NEDD4L: variants seen among roughly 807,000 people sequenced by gnomAD.
NEDD4L encodes the protein NEDD4 like E3 ubiquitin protein ligase.
Under a neutral mutation model 148.9 loss-of-function variants are expected in NEDD4L, and 54 were observed. The ratio of observed to expected loss-of-function variants is 0.36; its 90% CI spans 0.29 to 0.45. The LOEUF (loss-of-function observed/expected upper bound fraction) is 0.45. NEDD4L is among the 20% of genes least tolerant of loss of function. The pLI is 1.00. For missense variants in NEDD4L, 856 were observed against 1,233.8 expected (o/e 0.69, Z 4.59); for synonymous variants, 433 against 440.7 (o/e 0.98, Z 0.22).
At position 58,329,124 on chromosome 18, in the gene NEDD4L, C is replaced by T. The variant is rs370529329; in HGVS notation, c.810C>T (p.Pro270=). ...EPEPSEGGDV[P]EPWETISEEV... ...AGCCCTCGGAGGGCGGGGATGTCCCCGAGGTACGATGTCCCCAGAATGGTG... is the reference window on the plus strand; with the variant it reads ...AGCCCTCGGAGGGCGGGGATGTCCCTGAGGTACGATGTCCCCAGAATGGTG... Residue 270 remains proline (P), a synonymous_variant, in exon 10 of 31, where the codon CCC becomes CCT. Coordinates refer to ENST00000400345, the MANE Select transcript of NEDD4L (RefSeq NM_001144967.3). 2.5e-4 allele frequency: 400 copies of T among 1,613,630 alleles called. No individual in the cohort carries two copies. Among genetic ancestry groups the T allele is most frequent in the Non-Finnish European group, 3.2e-4 (378 of 1,179,806 alleles).
At chr18:58,107,722 G>GAA (rs768414076) in intron 1 of NEDD4L, among the ~76,000 whole-genome samples, 1,928 of 133,664 alleles carry the variant, frequency 0.014, 31 homozygotes, top group African/African-American at 0.051. Flanking sequence ...CCTGTCTCCA[G>GAA]AAAAAAAAAA....
chr18:58,338,372 G>A (rs955713610), intron 13 of NEDD4L, among the ~76,000 whole-genome samples: 9 of 152,198 alleles, frequency 5.9e-5, no homozygotes, highest in East Asian at 5.8e-4. Flanking sequence ...TCAACTAGCC[G>A]TGCAGGGTGG....
intron 24 of NEDD4L, among the ~76,000 whole-genome samples, chr18:58,377,379 C>T (rs1034190231): frequency 4.6e-5 from 7 of 152,154 alleles, no homozygotes; most frequent in Non-Finnish European, 8.8e-5. Flanking sequence ...CAGCCTTCCA[C>T]GGTGTTTCAA....
chr18:58,170,317 G>A (rs2037413627), intron 2 of NEDD4L, among the ~76,000 whole-genome samples: 1 of 151,182 alleles, frequency 6.6e-6, no homozygotes, highest in African/African-American at 2.4e-5. Context: ...AGCCCAAGAG[G>A]ACAGAACACT....
chr18:58,349,032 C>A (rs1233243489), intron 16 of NEDD4L, among the ~76,000 whole-genome samples: 1 of 152,114 alleles, frequency 6.6e-6, no homozygotes, highest in African/African-American at 2.4e-5. Context: ...CTTCACAGAC[C>A]AGATTGACAT....
chr18:58,095,012 C>G (rs17064342), intron 1 of NEDD4L, among the ~76,000 whole-genome samples: 14,575 of 152,072 alleles, frequency 0.096, 829 homozygotes, highest in Admixed American at 0.16. Context: ...ACACATTAGA[C>G]GATCTAGATA....
chr18:58,119,455 GC>G (rs1363955522), intron 1 of NEDD4L, among the ~76,000 whole-genome samples: 1 of 152,196 alleles, frequency 6.6e-6, no homozygotes, highest in Non-Finnish European at 1.5e-5. Context: ...TCGCTTATCA[GC>G]CTGGACTCCT....
chr18:58,360,303 C>G (rs772611190), intron 19 of NEDD4L, among the ~76,000 whole-genome samples: 4 of 152,218 alleles, frequency 2.6e-5, no homozygotes, highest in Non-Finnish European at 5.9e-5. Flanking sequence ...CCGATTCTCT[C>G]TAAGTATCTG....
intron 25 of NEDD4L, 122 bp from the exon 26 acceptor site, chr18:58,385,404 G>A: frequency 2.5e-6 from 2 of 815,722 alleles, no homozygotes; most frequent in Non-Finnish European, 4.4e-6. Flanking sequence ...TGGGGGCACA[G>A]AGGAGACCCT....
intron 1 of NEDD4L, among the ~76,000 whole-genome samples, chr18:58,087,547 T>C (rs1162455431): frequency 6.6e-6 from 1 of 152,144 alleles, no homozygotes; most frequent in Non-Finnish European, 1.5e-5. Context: ...GTTGCCGCAG[T>C]ACAGATTGCC....
intron 2 of NEDD4L, chr18:58,195,559 C>T: frequency 7.5e-7 from 1 of 1,339,140 alleles, no homozygotes; most frequent in Non-Finnish European, 9.8e-7. Context: ...CACGCGGTGC[C>T]TCCCCAGCAC....
chr18:58,270,663 A>G (rs2050905509), intron 5 of NEDD4L, among the ~76,000 whole-genome samples: 1 of 152,288 alleles, frequency 6.6e-6, no homozygotes, highest in East Asian at 1.9e-4. Flanking sequence ...TTGTTTCTGC[A>G]TTAAAGTTCT....
At chr18:58,149,660 T>C in intron 1 of NEDD4L, 2 of 783,550 alleles carry the variant, frequency 2.6e-6, no homozygotes, top group Non-Finnish European at 4.5e-6. Flanking sequence ...TTGTGTTATA[T>C]GACCTCAAGA....
chr18:58,384,136 GGAATTGGTCAGAGGTC>G, intron 25 of NEDD4L, among the ~76,000 whole-genome samples: 2 of 152,234 alleles, frequency 1.3e-5, no homozygotes, highest in Admixed American at 1.3e-4. Flanking sequence ...CTTCTCATTT[GGAATTGGTCAGAGGTC>G]TTGAAATCAG....
At chr18:58,319,214 G>C (rs953501707) in intron 6 of NEDD4L, among the ~76,000 whole-genome samples, 3 of 152,206 alleles carry the variant, frequency 2.0e-5, no homozygotes, top group Non-Finnish European at 4.4e-5. Context: ...CCCAGAGAGG[G>C]AGGGGACTTG....
chr18:58,357,402 T>C (rs376416412), intron 19 of NEDD4L, 150 bp downstream of exon 19: 7 of 784,526 alleles, frequency 8.9e-6, no homozygotes, highest in Non-Finnish European at 1.4e-5. Context: ...ATCTCCTTAC[T>C]GAAGTTTCCA....
intron 2 of NEDD4L, among the ~76,000 whole-genome samples, chr18:58,197,310 GTGA>G (rs1158210662): frequency 6.6e-6 from 1 of 152,152 alleles, no homozygotes; most frequent in Non-Finnish European, 1.5e-5. Context: ...TGCACGCAAG[GTGA>G]TGGTTCTACC....
intron 1 of NEDD4L, among the ~76,000 whole-genome samples, chr18:58,071,924 C>T (rs7231040): frequency 0.043 from 6,554 of 152,268 alleles, 465 homozygotes; most frequent in African/African-American, 0.15. Context: ...TTATCTCCAC[C>T]TTATCCTGCC....
intron 1 of NEDD4L, among the ~76,000 whole-genome samples, chr18:58,136,795 C>A (rs1158560554): frequency 3.3e-5 from 5 of 152,188 alleles, no homozygotes; most frequent in Admixed American, 1.3e-4. Context: ...TTTGTTTCAT[C>A]GATTCCTTTA....
Sources: allele counts gnomAD v4.1 joint callset (sites outside exome capture counted in the v4.1 genomes callset), GRCh38; gene constraint gnomAD v4.1.1; transcripts MANE v1.5; gene names NCBI Gene and HGNC (gene_info 2026-07-23, HGNC 2026-07-21).